MACROD1: variants seen among roughly 807,000 people sequenced by gnomAD.
The protein encoded by MACROD1 is mono-ADP ribosylhydrolase 1, also known as ADP-ribose glycohydrolase MACROD1.
MACROD1 carries 31 observed loss-of-function variants against 41.4 expected under a neutral mutation model. That is an observed-to-expected ratio of 0.75 (90% CI 0.56 to 1.01). The LOEUF (loss-of-function observed/expected upper bound fraction) is 1.01. Ranked by LOEUF, MACROD1 falls within the 50% of genes least tolerant of loss-of-function variation. The pLI is 0.00. For synonymous variants in MACROD1, 252 were observed against 203.4 expected (o/e 1.24, Z -2.03); for missense variants, 473 against 460.0 (o/e 1.03, Z -0.26).
At chr11:64,059,409 G>A (rs1434812802) in intron 3 of MACROD1, among the ~76,000 whole-genome samples, 1 of 152,154 alleles carries the variant, frequency 6.6e-6, no homozygotes, top group Non-Finnish European at 1.5e-5. Context: ...AGTGGGGGTG[G>A]GAAGAGATGT....
intron 3 of MACROD1, chr11:64,138,555 C>G (rs989909924): frequency 2.2e-5 from 22 of 985,256 alleles, no homozygotes; most frequent in Non-Finnish European, 2.5e-5. Context: ...TGAAATACAG[C>G]CAGGCGGCAA....
intron 3 of MACROD1, among the ~76,000 whole-genome samples, chr11:64,074,222 G>A (rs1944160474): frequency 6.6e-6 from 1 of 152,238 alleles, no homozygotes; most frequent in Non-Finnish European, 1.5e-5. Flanking sequence ...CTTCCCCCAA[G>A]GCCCCAGAAT....
At chr11:64,054,371 G>C (rs1158082301) in intron 3 of MACROD1, among the ~76,000 whole-genome samples, 2 of 152,228 alleles carry the variant, frequency 1.3e-5, no homozygotes, top group Admixed American at 1.3e-4. Flanking sequence ...CCAGGAGACT[G>C]AGTGCTTTCG....
chr11:64,053,378 C>T (rs1231629943), intron 3 of MACROD1, among the ~76,000 whole-genome samples: 2 of 152,208 alleles, frequency 1.3e-5, no homozygotes, highest in Non-Finnish European at 2.9e-5. Context: ...CTGGGGCTGT[C>T]ACAGCCCATG....
In MACROD1 at chr11:64,096,336, C is replaced by T. The variant is rs371564921; in HGVS notation, c.517+54903G>A. On this transcript the variant is annotated intron_variant, in intron 3 of 10. Transcript: ENST00000255681. The surrounding 1 kb of genome is among the most constrained non-coding windows in gnomAD (Gnocchi z 4.6). ...CCCCGAGCTTCCTCTAGGCTGGACA[C>T]GGTCCCTAATGGGCACGGGCGACGC... Among the ~76,000 whole-genome samples, 4 of 152,288 alleles carry T rather than the reference C, an allele frequency of 2.6e-5. No individual in the cohort carries two copies. In the East Asian group the frequency reaches 5.8e-4, roughly 22 times the overall value.
At chr11:64,068,288 A>G (rs1034919163) in intron 3 of MACROD1, among the ~76,000 whole-genome samples, 6 of 152,194 alleles carry the variant, frequency 3.9e-5, no homozygotes. Context: ...AGGCCACCCC[A>G]ACCCCACCCA....
intron 3 of MACROD1, among the ~76,000 whole-genome samples, chr11:64,125,544 G>A (rs1945165236): frequency 6.6e-6 from 1 of 152,194 alleles, no homozygotes; most frequent in Non-Finnish European, 1.5e-5. Flanking sequence ...CAACAAACAG[G>A]CTTCTCTCGT....
At position 64,029,186 on chromosome 11, in the gene MACROD1, G is replaced by C. The variant is rs559381656; in HGVS notation, c.518-13905C>G. On this transcript the variant is annotated intron_variant, in intron 3 of 10. Coordinates refer to ENST00000255681, the MANE Select transcript of MACROD1 (RefSeq NM_014067.4). ...GGGGAGTGGCCACCTGCTGGGGTTG[G>C]TTGAGCCGGGTGCTGGGATGTGGGC... Among the ~76,000 whole-genome samples the C allele has an allele frequency of 3.9e-5, 6 of 152,328 alleles. No homozygotes were observed. The South Asian group carries it at 1.2e-3, about 32-fold the overall frequency.
chr11:64,015,128 T>C, intron 4 of MACROD1, 124 bp downstream of exon 4: 1 of 1,076,132 alleles, frequency 9.3e-7, no homozygotes, highest in Non-Finnish European at 1.3e-6. Flanking sequence ...GGAGGCACCC[T>C]GTGAGGACAG....
chr11:64,040,355 G>A (rs1317896287), intron 3 of MACROD1, among the ~76,000 whole-genome samples: 1 of 152,172 alleles, frequency 6.6e-6, no homozygotes, highest in Non-Finnish European at 1.5e-5. Flanking sequence ...ACAAGGGCCT[G>A]GAGGACAGGA....
At chr11:64,143,394 G>C (rs919494431) in intron 3 of MACROD1, among the ~76,000 whole-genome samples, 1 of 152,096 alleles carries the variant, frequency 6.6e-6, no homozygotes, top group South Asian at 2.1e-4. Context: ...CGTGTGCAGC[G>C]TGTTGAGCAG....
chr11:64,007,589 T>C lies in MACROD1; in HGVS notation c.548-7246A>G, dbSNP rs888676387. Among the ~76,000 whole-genome samples the C allele has an allele frequency of 2.0e-5, 3 of 152,008 alleles. No individual in the cohort carries two copies. The East Asian group carries it at 5.8e-4, about 29-fold the overall frequency. On this transcript the variant is annotated intron_variant, in intron 4 of 10. Transcript: ENST00000255681. ...GTGCGAGGAGTCGAGCAATTGGGAA[T>C]TGATTCGAGCGCGGTGGGAAGTTTC...
chr11:64,114,404 G>T (rs904222447), intron 3 of MACROD1, among the ~76,000 whole-genome samples: 11 of 149,866 alleles, frequency 7.3e-5, no homozygotes, highest in Non-Finnish European at 1.3e-4. Flanking sequence ...TGGACAGGTG[G>T]ATGCATGGAT....
chr11:64,153,945 C>G (rs972051920), intron 1 of MACROD1, among the ~76,000 whole-genome samples: 1 of 152,074 alleles, frequency 6.6e-6, no homozygotes, highest in Non-Finnish European at 1.5e-5. Flanking sequence ...ATTCCACGCC[C>G]CTGCAGCTGC....
chr11:64,015,796 G>A (rs1021800227), intron 3 of MACROD1, among the ~76,000 whole-genome samples: 55 of 152,030 alleles, frequency 3.6e-4, no homozygotes, highest in Admixed American at 2.4e-3. Flanking sequence ...GACTGAGAAC[G>A]CGGAGCAGTG....
chr11:64,115,413 G>A (rs140471226), intron 3 of MACROD1, among the ~76,000 whole-genome samples: 54 of 150,888 alleles, frequency 3.6e-4, no homozygotes, highest in African/African-American at 1.2e-3. Flanking sequence ...GAAAGTTTAT[G>A]ATTTGAGAAA....
At chr11:64,125,193 C>T (rs61083753) in intron 3 of MACROD1, among the ~76,000 whole-genome samples, 20,099 of 152,046 alleles carry the variant, frequency 0.13, 1,575 homozygotes, top group South Asian at 0.19. Context: ...GGATGACTGC[C>T]CCCACGTCCT....
At chr11:64,139,005 G>C (rs1382612172) in intron 3 of MACROD1, among the ~76,000 whole-genome samples, 1 of 152,202 alleles carries the variant, frequency 6.6e-6, no homozygotes, top group African/African-American at 2.4e-5. Context: ...GACCTCAGGT[G>C]ATCCACCCAC....
Position 64,064,675 on chromosome 11 carries a change from CCG to C in MACROD1, c.518-49396_518-49395del, listed in dbSNP as rs1943963204. On this transcript the variant is annotated intron_variant, in intron 3 of 10. Transcript: ENST00000255681. This position sits in a 1 kb window ranked among gnomAD's most constrained non-coding sequence, Gnocchi z 4.5. ...GCCTCTGGCAGGACATTAAACGGCA[CCG>C]AGATAGAAGGAGGGGGGCCCTCCCT... 7.3e-6 allele frequency among the ~76,000 whole-genome samples: 1 copy of C among 136,284 alleles called. No individual in the cohort carries two copies. The highest frequency in any genetic ancestry group is 2.6e-4 in the East Asian group (1 of 3,824). 89.4% of individuals were successfully genotyped at this position (136,284 alleles called of 152,430 possible).
Sources: allele counts gnomAD v4.1 joint callset (sites outside exome capture counted in the v4.1 genomes callset), GRCh38; gene constraint gnomAD v4.1.1; non-coding constraint Gnocchi (gnomAD v3.1); transcripts MANE v1.5; gene names NCBI Gene and HGNC (gene_info 2026-07-23, HGNC 2026-07-21).